Variants in SLC14A2 observed in about 807,000 individuals in gnomAD.
SLC14A2 encodes solute carrier family 14 member 2, also known as urea transporter 2.
A neutral mutation model predicts 104.6 loss-of-function variants in SLC14A2; 91 were observed. That is an observed-to-expected ratio of 0.87 (90% CI 0.73 to 1.04). SLC14A2 has a LOEUF of 1.04. Ranked by LOEUF, SLC14A2 falls within the 50% of genes least tolerant of loss-of-function variation. SLC14A2 has a pLI of 0.00. For synonymous variants in SLC14A2, 476 were observed against 466.4 expected (o/e 1.02, Z -0.27); for missense variants, 1,189 against 1,156.0 (o/e 1.03, Z -0.41).
chr18:45,417,854 A>C (rs116853933), intron 1 of SLC14A2, among the ~76,000 whole-genome samples: 3,939 of 152,328 alleles, frequency 0.026, 52 homozygotes, highest in South Asian at 0.037. Flanking sequence ...CAAGGAGGAA[A>C]GGACTTTTTT....
At chr18:45,637,918 G>T (rs1426171673) in intron 6 of SLC14A2, among the ~76,000 whole-genome samples, 3 of 152,182 alleles carry the variant, frequency 2.0e-5, no homozygotes, top group Non-Finnish European at 2.9e-5. Context: ...TGTCAGCTGC[G>T]GCCTGGGAGC....
intron 2 of SLC14A2, among the ~76,000 whole-genome samples, chr18:45,520,431 T>A (rs183778796): frequency 2.4e-4 from 37 of 152,280 alleles, no homozygotes; most frequent in African/African-American, 8.4e-4. Context: ...TTACCTTATG[T>A]CCCCCTGTCC....
intron 1 of SLC14A2, among the ~76,000 whole-genome samples, chr18:45,308,821 G>C (rs113561814): frequency 5.9e-4 from 90 of 152,276 alleles, no homozygotes; most frequent in African/African-American, 2.1e-3. Context: ...AAAACACAAT[G>C]CTTTAAAATG....
At chr18:45,389,224 G>A (rs2085934117) in intron 1 of SLC14A2, among the ~76,000 whole-genome samples, 1 of 152,196 alleles carries the variant, frequency 6.6e-6, no homozygotes, top group Admixed American at 6.5e-5. Flanking sequence ...GTGATGGGAT[G>A]GAACATGTGC....
chr18:45,199,840 T>A, the SLC14A2 span, among the ~76,000 whole-genome samples: 48 of 152,190 alleles, frequency 3.2e-4, no homozygotes, highest in African/African-American at 1.2e-3. Context: ...ACCACGATCA[T>A]GTGAGAATCT....
chr18:45,267,624 A>T (rs2084605736), intron 1 of SLC14A2, among the ~76,000 whole-genome samples: 1 of 152,224 alleles, frequency 6.6e-6, no homozygotes, highest in Admixed American at 6.5e-5. Context: ...AAATGTTCAG[A>T]TGTCAAAGAA....
chr18:45,245,028 T>A (rs1315414695), intron 1 of SLC14A2, among the ~76,000 whole-genome samples: 1 of 152,220 alleles, frequency 6.6e-6, no homozygotes, highest in African/African-American at 2.4e-5. Context: ...AAATACTTTA[T>A]GCCATGTGCC....
chr18:45,260,401 C>T (rs1030535808), intron 1 of SLC14A2, among the ~76,000 whole-genome samples: 7 of 152,144 alleles, frequency 4.6e-5, no homozygotes, highest in Non-Finnish European at 8.8e-5. Context: ...CACTATGTAG[C>T]ATTTACCATG....
intron 1 of SLC14A2, among the ~76,000 whole-genome samples, chr18:45,382,123 A>G (rs1242651711): frequency 6.6e-6 from 1 of 152,178 alleles, no homozygotes. Context: ...ATACTCATAG[A>G]CAAGGGATGG....
At chr18:45,485,419 T>C (rs1184866926) in intron 2 of SLC14A2, 2 of 152,228 alleles carry the variant, frequency 1.3e-5, no homozygotes, top group Admixed American at 6.5e-5. Flanking sequence ...CTTACTTTTT[T>C]CAAGGCTGGT....
At chr18:45,609,239 G>A (rs1324645192) in intron 2 of SLC14A2, among the ~76,000 whole-genome samples, 2 of 152,040 alleles carry the variant, frequency 1.3e-5, no homozygotes, top group African/African-American at 4.8e-5. Context: ...CTCCTGCACT[G>A]TGGCTTCATT....
intron 1 of SLC14A2, among the ~76,000 whole-genome samples, chr18:45,355,946 G>A (rs907827740): frequency 1.3e-5 from 2 of 152,154 alleles, no homozygotes; most frequent in Non-Finnish European, 2.9e-5. Flanking sequence ...GAGACTAGAG[G>A]CAAAGAGAAA....
rs1311816209 is a variant in SLC14A2, at chr18:45,290,318, A to G, written c.-125+77127A>G. Among the ~76,000 whole-genome samples, 4 of 152,246 alleles carry G rather than the reference A, an allele frequency of 2.6e-5. No homozygotes were observed. In the East Asian group the frequency reaches 5.8e-4, roughly 22 times the overall value. On this transcript the variant is annotated intron_variant, in intron 1 of 20. Coordinates refer to the SLC14A2 transcript ENST00000586448. ...GTCTTTTGTTCCATTCTTTATGCCC[A>G]TGTCATTGCAAAATTTTTTGTGCCC...
At position 45,364,860 on chromosome 18, in the gene SLC14A2, T is replaced by C. The variant is rs2085650813; in HGVS notation, c.-124-118373T>C. On this transcript the variant is annotated intron_variant, in intron 1 of 20. Coordinates refer to the SLC14A2 transcript ENST00000586448. ...CTCACAGGAACTTGCCAGCAAACTTTTATTAAAAAGAAGTAACTCAAGCAC... is the reference window on the plus strand; with the variant it reads ...CTCACAGGAACTTGCCAGCAAACTTCTATTAAAAAGAAGTAACTCAAGCAC... Among the ~76,000 whole-genome samples, 4 of 152,284 alleles carry C rather than the reference T, an allele frequency of 2.6e-5. No homozygotes were observed. The South Asian group carries it at 8.3e-4, about 32-fold the overall frequency.
chr18:45,593,408 C>CCAAA, intron 2 of SLC14A2, among the ~76,000 whole-genome samples: 1 of 151,928 alleles, frequency 6.6e-6, no homozygotes, highest in African/African-American at 2.4e-5. Flanking sequence ...CTACAAACCC[C>CCAAA]CAAACAATAA....
At chr18:45,422,564 C>A in intron 1 of SLC14A2, among the ~76,000 whole-genome samples, 1 of 151,970 alleles carries the variant, frequency 6.6e-6, no homozygotes, top group East Asian at 1.9e-4. Flanking sequence ...GACGGCTGAG[C>A]CAGGGAGAGG....
chr18:45,215,216 G>T (rs2083999442), intron 1 of SLC14A2, among the ~76,000 whole-genome samples: 1 of 152,188 alleles, frequency 6.6e-6, no homozygotes, highest in Non-Finnish European at 1.5e-5. Context: ...ATGAGTTTAA[G>T]ATTAAGAATC....
At chr18:45,320,948 C>T (rs1185543192) in intron 1 of SLC14A2, among the ~76,000 whole-genome samples, 1 of 152,176 alleles carries the variant, frequency 6.6e-6, no homozygotes, top group African/African-American at 2.4e-5. Flanking sequence ...GGGCTTGAAC[C>T]GAGTGGAAAC....
chr18:45,315,963 A>G (rs189264994), intron 1 of SLC14A2, among the ~76,000 whole-genome samples: 32 of 152,324 alleles, frequency 2.1e-4, no homozygotes, highest in African/African-American at 7.7e-4. Context: ...ATGAATTGCC[A>G]TCTGCATTTA....
Sources: allele counts gnomAD v4.1 joint callset (sites outside exome capture counted in the v4.1 genomes callset), GRCh38; gene constraint gnomAD v4.1.1; transcripts MANE v1.5; gene names NCBI Gene and HGNC (gene_info 2026-07-23, HGNC 2026-07-21).